Variants in FLI1 observed in about 807,000 individuals in gnomAD.
FLI1 encodes Fli-1 proto-oncogene, ETS transcription factor.
Under a neutral mutation model 53.1 loss-of-function variants are expected in FLI1, and 13 were observed. The observed-to-expected ratio is 0.24, with a 90% confidence interval of 0.16 to 0.39. The LOEUF is 0.39. Among genes scored for constraint, FLI1 ranks in the 10% least tolerant of loss-of-function variants. The pLI, the probability that FLI1 is intolerant of heterozygous loss-of-function variation, is 1.00. For synonymous variants in FLI1, 244 were observed against 236.7 expected (o/e 1.03, Z -0.28); for missense variants, 424 against 600.5 (o/e 0.71, Z 3.07).
At position 128,773,084 on chromosome 11, in the gene FLI1, C is replaced by T. The variant is rs12418597; in HGVS notation, c.589+99C>T. 141,215 of 1,114,132 alleles carry T rather than the reference C, an allele frequency of 0.13. 9,609 individuals carry two copies. Among genetic ancestry groups the T allele is most frequent in the Admixed American group, 0.18 (10,301 of 57,156 alleles). 69.0% of individuals were successfully genotyped at this position (1,114,132 alleles called of 1,614,324 possible). On this transcript the variant is annotated intron_variant, in intron 4 of 8. Transcript: ENST00000527786. ...CTGCCCGTTCGTGTTGGGCAGATGC[C>T]GCCGGAGCAGCATCGTGGGGCCTGT...
chr11:128,768,323 G>C lies in FLI1; in HGVS notation c.385+51G>C, dbSNP rs546849429. 1.1e-4 allele frequency: 159 copies of C among 1,450,734 alleles called. No individual in the cohort carries two copies. The East Asian group carries it at 1.4e-3, about 12-fold the overall frequency. The allele number at this position is 1,450,734 out of a possible 1,614,324, so 89.9% of individuals were successfully genotyped here. Reference sequence around the variant, plus strand: ...GCGCCATTCACTTCCCCACTCTCTGGGGGGGCAGGGAGCATCTAAACCTTT... The same window carrying C: ...GCGCCATTCACTTCCCCACTCTCTGCGGGGGCAGGGAGCATCTAAACCTTT... On this transcript the variant is annotated intron_variant, in intron 3 of 8. Transcript: ENST00000527786.
chr11:128,738,174 G>A (rs1022340099), intron 1 of FLI1, among the ~76,000 whole-genome samples: 7 of 152,086 alleles, frequency 4.6e-5, no homozygotes, highest in Admixed American at 1.3e-4. Context: ...AGTGCCATCC[G>A]CCTTATTTTA....
At chr11:128,702,258 A>G (rs546691330) in intron 1 of FLI1, among the ~76,000 whole-genome samples, 11 of 152,386 alleles carry the variant, frequency 7.2e-5, no homozygotes, top group Admixed American at 6.5e-4. Flanking sequence ...ATGAACAAGA[A>G]TAAGGTTTCT....
intron 5 of FLI1, chr11:128,804,478 G>C (rs984883375): frequency 2.6e-5 from 4 of 152,176 alleles, no homozygotes; most frequent in South Asian, 4.1e-4. Flanking sequence ...CACATTTATG[G>C]AAGCATGTGG....
At chr11:128,798,160 G>A (rs951936349) in intron 5 of FLI1, among the ~76,000 whole-genome samples, 33 of 152,136 alleles carry the variant, frequency 2.2e-4, no homozygotes, top group Admixed American at 3.9e-4. Flanking sequence ...TTAAACCAGA[G>A]GCAGATTTGA....
chr11:128,715,731 A>G (rs1938980680), intron 1 of FLI1, among the ~76,000 whole-genome samples: 1 of 152,210 alleles, frequency 6.6e-6, no homozygotes. Flanking sequence ...CGTAAAGGTC[A>G]TGCTTTGAAT....
chr11:128,788,634 C>T (rs1234416017), intron 5 of FLI1, among the ~76,000 whole-genome samples: 1 of 152,174 alleles, frequency 6.6e-6, no homozygotes, highest in African/African-American at 2.4e-5. Flanking sequence ...TGAACATCTC[C>T]TCCAAATCCC....
intron 5 of FLI1, among the ~76,000 whole-genome samples, chr11:128,783,942 G>A (rs1942002546): frequency 6.6e-6 from 1 of 151,964 alleles, no homozygotes; most frequent in Non-Finnish European, 1.5e-5. Context: ...AGGGAAGGAA[G>A]GGAAGGGAAG....
intron 8 of FLI1, 25 bp downstream of exon 8, chr11:128,809,229 CT>C: frequency 3.1e-6 from 5 of 1,608,948 alleles, no homozygotes; most frequent in Non-Finnish European, 3.4e-6. Flanking sequence ...GCCTGCAAGC[CT>C]TTTTTGCCAG....
At chr11:128,726,271 G>A (rs759450247) in intron 1 of FLI1, among the ~76,000 whole-genome samples, 17 of 151,158 alleles carry the variant, frequency 1.1e-4, no homozygotes, top group Non-Finnish European at 2.2e-4. Flanking sequence ...GAACACTCCC[G>A]ATTACACATT....
In FLI1 at chr11:128,724,735, G is replaced by T. The variant is rs137979319; in HGVS notation, c.18+30459G>T. Among the ~76,000 whole-genome samples, 360 of 152,278 alleles carry T rather than the reference G, an allele frequency of 2.4e-3. 2 individuals carry two copies. The highest frequency in any genetic ancestry group is 8.3e-3 in the African/African-American group (343 of 41,548). ...GATACGGGATCTAAATGGGTGCATG[G>T]TTCTAGGAGAGGCACAAGGGTTTAT... On this transcript the variant is annotated intron_variant, in intron 1 of 8. Coordinates refer to ENST00000527786, the MANE Select transcript of FLI1 (RefSeq NM_002017.5).
At chr11:128,723,190 T>C (rs752746222) in intron 1 of FLI1, among the ~76,000 whole-genome samples, 2 of 152,126 alleles carry the variant, frequency 1.3e-5, no homozygotes, top group African/African-American at 2.4e-5. Flanking sequence ...TGTATGAGTC[T>C]GGGGAGGGAC....
At position 128,811,070 on chromosome 11, in the gene FLI1, G is replaced by T. The variant is rs1942925674; in HGVS notation, c.*82G>T. 1.5e-6 allele frequency: 2 copies of T among 1,305,272 alleles called. No homozygotes were observed. The highest frequency in any genetic ancestry group is 2.2e-6 in the Non-Finnish European group (2 of 918,356). The allele number at this position is 1,305,272 out of a possible 1,614,324, so 80.9% of individuals were successfully genotyped here. ...CTTTGGACTCAACAGGACATATGTG[G>T]CCTTGAAGGGAAGACAAAACTGGAT... On this transcript the variant is annotated 3_prime_UTR_variant, in exon 9 of 9. Transcript: ENST00000527786.
chr11:128,703,357 T>A (rs1807961678), intron 1 of FLI1, among the ~76,000 whole-genome samples: 1 of 152,222 alleles, frequency 6.6e-6, no homozygotes, highest in African/African-American at 2.4e-5. Context: ...AATGTGTTTA[T>A]TGTAGCATTG....
At chr11:128,764,513 G>A in intron 2 of FLI1, 1 of 761,770 alleles carries the variant, frequency 1.3e-6, no homozygotes, top group Non-Finnish European at 2.1e-6. Context: ...AGTGCTATCA[G>A]CTGCCAGTGG....
upstream of FLI1, among the ~76,000 whole-genome samples, chr11:128,689,172 C>T (rs540151696): frequency 0.011 from 1,748 of 152,230 alleles, 41 homozygotes; most frequent in African/African-American, 0.04. Context: ...AGAATTCAAA[C>T]CTAGGTGCGC....
At chr11:128,758,982 GTCATCGAAA>G (rs1237030107) in intron 2 of FLI1, among the ~76,000 whole-genome samples, 4 of 152,252 alleles carry the variant, frequency 2.6e-5, no homozygotes, top group African/African-American at 9.6e-5. Context: ...CCTTGGGCAA[GTCATCGAAA>G]CCCCTCAGAG....
chr11:128,771,700 G>C (rs987323280), intron 3 of FLI1, among the ~76,000 whole-genome samples: 1 of 152,094 alleles, frequency 6.6e-6, no homozygotes, highest in African/African-American at 2.4e-5. Context: ...ATAAAATGCC[G>C]AGTCTCTCCT....
chr11:128,727,025 C>T (rs1343050306), intron 1 of FLI1, among the ~76,000 whole-genome samples: 4 of 151,786 alleles, frequency 2.6e-5, no homozygotes, highest in African/African-American at 9.7e-5. Context: ...GGAGCTGTGC[C>T]ACTCTTGAAG....
Sources: allele counts gnomAD v4.1 joint callset (sites outside exome capture counted in the v4.1 genomes callset), GRCh38; gene constraint gnomAD v4.1.1; transcripts MANE v1.5; gene names NCBI Gene and HGNC (gene_info 2026-07-23, HGNC 2026-07-21).